Variants in EFEMP2 observed in about 807,000 individuals in gnomAD.
The protein encoded by EFEMP2 is EGF-like fibulin extracellular matrix protein 2.
A neutral mutation model predicts 55.3 loss-of-function variants in EFEMP2; 21 were observed. The ratio of observed to expected loss-of-function variants is 0.38; its 90% confidence interval spans 0.27 to 0.55. EFEMP2 has a LOEUF of 0.55. Among genes scored for constraint, EFEMP2 ranks in the 20% least tolerant of loss-of-function variants. The pLI, the probability that EFEMP2 is intolerant of heterozygous loss-of-function variation, is 0.77. For synonymous variants in EFEMP2, 275 were observed against 242.3 expected (o/e 1.14, Z -1.25); for missense variants, 513 against 615.1 (o/e 0.83, Z 1.76).
chr11:65,869,727 C>G, intron 7 of EFEMP2, 130 bp downstream of exon 7: 1 of 1,447,292 alleles, frequency 6.9e-7, no homozygotes, highest in Non-Finnish European at 9.6e-7. Context: ...GGGTCGAGTA[C>G]CCAGGAGGCA....
rs577950376 is a variant in EFEMP2, at chr11:65,869,979, G to A, written c.608-3C>T. ...CCCCATGTCACACTCGTTCACATCTGGGGGTGCCAGGAAAAACAGGAGGGA... is the reference window on the plus strand; with the variant it reads ...CCCCATGTCACACTCGTTCACATCTAGGGGTGCCAGGAAAAACAGGAGGGA... On this transcript the variant is annotated splice_region_variant and splice_polypyrimidine_tract_variant and intron_variant, in intron 6 of 10. Transcript: ENST00000307998. 1 of 1,613,754 alleles carries A rather than the reference G, an allele frequency of 6.2e-7. No homozygotes were observed. Among genetic ancestry groups the A allele is most frequent in the Non-Finnish European group, 8.5e-7 (1 of 1,179,920 alleles).
chr11:65,869,999 G>A (rs751609798), intron 6 of EFEMP2, 23 bp from the exon 7 acceptor site: 13 of 1,613,656 alleles, frequency 8.1e-6, no homozygotes, highest in African/African-American at 1.3e-5. Context: ...GGAAAAACAG[G>A]AGGGATGAAA....
intron 4 of EFEMP2, chr11:65,870,913 C>T: frequency 1.4e-6 from 1 of 704,932 alleles, no homozygotes; most frequent in Admixed American, 2.2e-5. Flanking sequence ...TCCCAGGGGA[C>T]AGACACTGGA....
chr11:65,870,826 G>T, intron 4 of EFEMP2, 168 bp from the exon 5 acceptor site: 2 of 950,972 alleles, frequency 2.1e-6, no homozygotes, highest in Non-Finnish European at 3.2e-6. Context: ...GTTGGGGGTT[G>T]CACAGGAAAT....
chr11:65,868,833 G>A lies in EFEMP2; in HGVS notation c.728-204C>T. On this transcript the variant is annotated intron_variant, in intron 7 of 10. Coordinates refer to ENST00000307998, the MANE Select transcript of EFEMP2 (RefSeq NM_016938.5). ...TGCCGCAGCTCACAGACTTCTCTCT[G>A]CCCAGAACTGGAAGAAACACTAAAT... is the stretch of plus-strand genomic sequence containing the variant. 7 of 629,902 alleles carry A rather than the reference G, an allele frequency of 1.1e-5. No homozygotes were observed. The South Asian group carries it at 1.3e-4, about 12-fold the overall frequency. 39.0% of individuals were successfully genotyped at this position (629,902 alleles called of 1,614,324 possible). A position where few individuals can be genotyped will look rare whatever the true frequency, so the allele number is the denominator to read the frequency against.
rs769212889 is a variant in EFEMP2, at chr11:65,866,827, T to A, written c.*91A>T. On this transcript the variant is annotated 3_prime_UTR_variant, in exon 11 of 11. Transcript: ENST00000307998. The stretch of plus-strand genomic sequence containing the variant: ...CCGCCCACCTCAGCCACCAGGACTT[T>A]CTTTCTCCCTTTATTGCCTTTCTCA... 1.6e-5 allele frequency: 24 copies of A among 1,530,650 alleles called. No homozygotes were observed. The highest frequency in any genetic ancestry group is 1.7e-4 in the Middle Eastern group (1 of 5,932). 94.8% of individuals were successfully genotyped at this position (1,530,650 alleles called of 1,614,324 possible).
intron 3 of EFEMP2, 98 bp from the exon 4 acceptor site, chr11:65,871,461 C>G: frequency 1.7e-6 from 2 of 1,173,286 alleles, no homozygotes; most frequent in Non-Finnish European, 2.5e-6. Flanking sequence ...AGATGTGTGG[C>G]CCCAGCAAAG....
At position 65,871,298 on chromosome 11, in the gene EFEMP2, C is replaced by A; in HGVS notation, c.226G>T (p.Gly76Trp). ...GAGCGGGGCAGGCACAAGTAGCCCC[C>A]GTAGTGGTTGATGCACTTCATTTCC... ...KGEMKCINHY[G>W]GYLCLPRSAA... The change falls in exon 4 of 11, where the codon GGG (glycine) becomes TGG (tryptophan). Residue 76 changes from glycine to tryptophan, a missense_variant. Gly to Trp is a radical substitution (Grantham distance 184). Coordinates refer to ENST00000307998, the MANE Select transcript of EFEMP2 (RefSeq NM_016938.5). 6.2e-7 allele frequency: 1 copy of A among 1,614,130 alleles called. No individual in the cohort carries two copies. Among genetic ancestry groups the A allele is most frequent in the Non-Finnish European group, 8.5e-7 (1 of 1,180,014 alleles).
intron 10 of EFEMP2, chr11:65,867,333 A>T: frequency 1.8e-6 from 1 of 564,072 alleles, no homozygotes; most frequent in Non-Finnish European, 3.2e-6. Context: ...AGGCTAACTG[A>T]CGATTCAAGG....
chr11:65,866,741 G>GA lies in EFEMP2; in HGVS notation c.*176dup, dbSNP rs1859851424. On this transcript the variant is annotated 3_prime_UTR_variant, in exon 11 of 11. Coordinates refer to ENST00000307998, the MANE Select transcript of EFEMP2 (RefSeq NM_016938.5). ...AACATATAGAGACCCCCATTTAGGTGAACTTGGCCTGCCCCCCCAAGTGCC... is the reference window on the plus strand; with the variant it reads ...AACATATAGAGACCCCCATTTAGGTGAAACTTGGCCTGCCCCCCCAAGTGCC... 1 of 810,820 alleles carries GA rather than the reference G, an allele frequency of 1.2e-6. No individual in the cohort carries two copies. The highest frequency in any genetic ancestry group is 1.7e-5 in the African/African-American group (1 of 58,994). The allele number at this position is 810,820 out of a possible 1,614,324, so 50.2% of individuals were successfully genotyped here.
In EFEMP2 at chr11:65,868,015, T is replaced by A. The variant is rs754118526; in HGVS notation, c.1016A>T (p.Gln339Leu). The change falls in exon 10 of 11, where the codon CAG (glutamine) becomes CTG (leucine). Residue 339 changes from glutamine (Q) to leucine (L), a missense_variant. Coordinates refer to ENST00000307998, the MANE Select transcript of EFEMP2 (RefSeq NM_016938.5). ...CPASNPLCRE[Q>L]PSSIVHRYMT... is the part of the protein sequence containing the mutation. ...GTAGCGGTGCACAATGGATGAAGGC[T>A]GCTCTCGACATAGAGGGTTGGAGGC... is the stretch of plus-strand genomic sequence containing the variant. The A allele has an allele frequency of 8.7e-6, 14 of 1,613,908 alleles. No individual in the cohort carries two copies. The Admixed American group carries it at 1.8e-4, about 21-fold the overall frequency.
chr11:65,867,182 C>T (rs1427582528), intron 10 of EFEMP2, 103 bp from the exon 11 acceptor site: 1 of 1,434,892 alleles, frequency 7.0e-7, no homozygotes, highest in East Asian at 2.3e-5. Context: ...GGCAGAGGAA[C>T]AGCCCTGGCC....
In EFEMP2 at chr11:65,872,726, G is replaced by C; in HGVS notation, c.-51C>G. 2 of 353,618 alleles carry C rather than the reference G, an allele frequency of 5.7e-6. No homozygotes were observed. Among genetic ancestry groups the C allele is most frequent in the Non-Finnish European group, 1.1e-5 (2 of 174,852 alleles). The allele number at this position is 353,618 out of a possible 1,614,324, so 21.9% of individuals were successfully genotyped here. On this transcript the variant is annotated 5_prime_UTR_variant, in exon 1 of 11. Coordinates refer to ENST00000307998, the MANE Select transcript of EFEMP2 (RefSeq NM_016938.5). Reference sequence around the variant, plus strand: ...CGCGGCCCGCGGCTCTGGCGGCTCGGCTGGCTCGGGCAATGCCTGCGGGCA... The same window carrying C: ...CGCGGCCCGCGGCTCTGGCGGCTCGCCTGGCTCGGGCAATGCCTGCGGGCA...
In EFEMP2 at chr11:65,871,271, C is replaced by T. The variant is rs148604051; in HGVS notation, c.253G>A (p.Ala85Thr). The T allele has an allele frequency of 1.2e-6, 2 of 1,613,958 alleles. No homozygotes were observed. The highest frequency in any genetic ancestry group is 1.7e-6 in the Non-Finnish European group (2 of 1,179,878). ...YGGYLCLPRS[A>T]AVINDLHGEG... ...CCGTGTAGGTCGTTGATGACGGCAG[C>T]GGAGCGGGGCAGGCACAAGTAGCCC... is the stretch of plus-strand genomic sequence containing the variant. The change falls in exon 4 of 11, where the codon GCT becomes ACT. Residue 85 changes from alanine to threonine, a missense_variant. Physicochemically the swap from Ala to Thr is moderately conservative, Grantham distance 58 (BLOSUM62 0). Transcript: ENST00000307998.
Position 65,867,050 on chromosome 11 carries a change from G to A in EFEMP2, c.1200C>T (p.Val400=). ...RQINNVSAML[V]LARPVTGPRE... is the part of the protein sequence containing the mutation. ...GGGGGCCCGTCACCGGCCGGGCGAG[G>A]ACCAGCATGGCGCTGACGTTGTTGA... is the stretch of plus-strand genomic sequence containing the variant. Residue 400 remains valine (V), a synonymous_variant, in exon 11 of 11, where the codon GTC becomes GTT. Transcript: ENST00000307998. The A allele has an allele frequency of 2.5e-6, 4 of 1,614,174 alleles. No homozygotes were observed. Among genetic ancestry groups the A allele is most frequent in the Non-Finnish European group, 3.4e-6 (4 of 1,180,030 alleles).
chr11:65,871,536 G>A, intron 3 of EFEMP2, 173 bp from the exon 4 acceptor site: 2 of 657,798 alleles, frequency 3.0e-6, no homozygotes, highest in Non-Finnish European at 5.3e-6. Context: ...GTTGGCCAAG[G>A]CTGGAGATGG....
intron 7 of EFEMP2, 110 bp downstream of exon 7, chr11:65,869,745 GCA>G: frequency 1.3e-6 from 2 of 1,525,134 alleles, no homozygotes; most frequent in South Asian, 2.3e-5. Context: ...GCAGCTGGGT[GCA>G]CAGTGACAGG....
intron 2 of EFEMP2, 74 bp downstream of exon 2, chr11:65,872,170 A>G (rs1859975213): frequency 1.3e-6 from 2 of 1,498,658 alleles, no homozygotes; most frequent in African/African-American, 1.4e-5. Flanking sequence ...CTTCCCCGGC[A>G]GCAGTCACCC....
Position 65,870,604 on chromosome 11 carries a change from T to A in EFEMP2, c.422A>T (p.His141Leu), listed in dbSNP as rs148315164. 282 of 1,614,126 alleles carry A rather than the reference T, an allele frequency of 1.7e-4. No individual in the cohort carries two copies. The highest frequency in any genetic ancestry group is 2.1e-4 in the Non-Finnish European group (253 of 1,180,002). ...LHDCRPSQDC[H>L]NLPGSYQCTC... ...GCACTGATAGGAGCCAGGCAAGTTA[T>A]GGCAGTCCTGGCTGGGGCGACAGTC... The change falls in exon 5 of 11, where the codon CAT becomes CTT. Residue 141 changes from histidine to leucine, a missense_variant. Coordinates refer to ENST00000307998, the MANE Select transcript of EFEMP2 (RefSeq NM_016938.5).
Sources: allele counts gnomAD v4.1 joint callset, GRCh38; gene constraint gnomAD v4.1.1; transcripts MANE v1.5; gene names NCBI Gene and HGNC (gene_info 2026-07-23, HGNC 2026-07-21).